The following PPA2 variants were observed in gnomAD, a reference collection of about 807,000 sequenced individuals.
PPA2 encodes the protein inorganic pyrophosphatase 2.
Under a neutral mutation model 49.5 loss-of-function variants are expected in PPA2, and 48 were observed. The ratio of observed to expected loss-of-function variants is 0.97; its 90% CI spans 0.77 to 1.23. The LOEUF is 1.23. Ranked by LOEUF, PPA2 falls within the 50% of genes most tolerant of loss-of-function variation. The pLI, the probability that PPA2 is intolerant of heterozygous loss-of-function variation, is 0.00. For missense variants in PPA2, 429 were observed against 410.1 expected, an observed-to-expected ratio of 1.05 and a Z score of -0.40; for synonymous variants, 131 against 139.9, an observed-to-expected ratio of 0.94 and a Z score of 0.45.
chr4:105,422,825 T>A (rs938848898), intron 7 of PPA2, among the ~76,000 whole-genome samples: 2 of 152,204 alleles, frequency 1.3e-5, no homozygotes, highest in African/African-American at 4.8e-5. Flanking sequence ...AGTACTGAAC[T>A]ACTACTCTCT....
Position 105,408,362 on chromosome 4 carries a change from G to T in PPA2, c.656-9198C>A, listed in dbSNP as rs543565499. Among the ~76,000 whole-genome samples the T allele has an allele frequency of 2.0e-5, 3 of 152,038 alleles. No homozygotes were observed. In the East Asian group the frequency reaches 5.8e-4, roughly 29 times the overall value. On this transcript the variant is annotated intron_variant, in intron 7 of 11. Coordinates refer to ENST00000341695, the MANE Select transcript of PPA2 (RefSeq NM_176869.3). ...AAAAAAAAGCATTTACTAAGTTAGA[G>T]AATCTGGATTTTTCTGTAAGCTCTG...
chr4:105,402,275 C>T (rs1722235863), intron 7 of PPA2, among the ~76,000 whole-genome samples: 1 of 151,656 alleles, frequency 6.6e-6, no homozygotes, highest in African/African-American at 2.4e-5. Context: ...AAAATTAGGC[C>T]TGGGTAAGAA....
At chr4:105,449,532 T>C (rs1227595709) in intron 3 of PPA2, 129 bp from the exon 4 acceptor site, 4 of 545,618 alleles carry the variant, frequency 7.3e-6, no homozygotes, top group Non-Finnish European at 1.3e-5. Context: ...CCATCATACA[T>C]CTACCTATGC....
At chr4:105,426,352 C>G (rs372142107) in intron 6 of PPA2, among the ~76,000 whole-genome samples, 26 of 152,240 alleles carry the variant, frequency 1.7e-4, no homozygotes, top group African/African-American at 5.5e-4. Flanking sequence ...GTGCAGCCCT[C>G]GGAGAGCAAG....
chr4:105,402,994 CTCTTTTTCTTTCT>C (rs1189132300), intron 7 of PPA2, among the ~76,000 whole-genome samples: 1 of 151,212 alleles, frequency 6.6e-6, no homozygotes, highest in Admixed American at 6.6e-5. Context: ...TTTTTCTTTC[CTCTTTTTCTTTCT>C]TTCTTTCTCT....
At chr4:105,373,533 A>C (rs1319706666) in intron 10 of PPA2, among the ~76,000 whole-genome samples, 1 of 152,164 alleles carries the variant, frequency 6.6e-6, no homozygotes, top group Admixed American at 6.6e-5. Flanking sequence ...TGGAGTGCCA[A>C]ACATTTCAGA....
intron 5 of PPA2, among the ~76,000 whole-genome samples, chr4:105,443,363 A>C (rs1724451943): frequency 6.7e-6 from 1 of 150,098 alleles, no homozygotes; most frequent in African/African-American, 2.5e-5. Flanking sequence ...GGAGAGTTGG[A>C]GATGAGATTA....
intron 10 of PPA2, among the ~76,000 whole-genome samples, chr4:105,378,852 A>G (rs1422804132): frequency 6.6e-6 from 1 of 152,104 alleles, no homozygotes; most frequent in Non-Finnish European, 1.5e-5. Context: ...CTGTGTCTAG[A>G]TTTGGTTACA....
intron 5 of PPA2, among the ~76,000 whole-genome samples, chr4:105,439,508 C>T (rs1724235085): frequency 6.6e-6 from 1 of 152,024 alleles, no homozygotes; most frequent in African/African-American, 2.4e-5. Context: ...TTCATTCATA[C>T]AGTAAAACAT....
intron 1 of PPA2, among the ~76,000 whole-genome samples, chr4:105,466,460 G>A (rs545965656): frequency 6.6e-6 from 1 of 152,148 alleles, no homozygotes; most frequent in Non-Finnish European, 1.5e-5. Flanking sequence ...AACAAATTAG[G>A]GAAAGTGAAG....
intron 1 of PPA2, among the ~76,000 whole-genome samples, chr4:105,466,194 G>A (rs1723293748): frequency 6.6e-6 from 1 of 151,790 alleles, no homozygotes; most frequent in Non-Finnish European, 1.5e-5. Context: ...TTTTTTTATA[G>A]CAGATGTAAT....
chr4:105,390,954 G>T (rs562825061), intron 9 of PPA2, among the ~76,000 whole-genome samples: 2 of 152,046 alleles, frequency 1.3e-5, no homozygotes, highest in Non-Finnish European at 2.9e-5. Context: ...ATCAGTGATG[G>T]ACTGGATAAA....
At chr4:105,431,261 G>A (rs1443685697) in intron 6 of PPA2, among the ~76,000 whole-genome samples, 2 of 151,884 alleles carry the variant, frequency 1.3e-5, no homozygotes, top group Non-Finnish European at 2.9e-5. Context: ...ACTCAACAAA[G>A]CTAGAAAAAA....
At chr4:105,454,367 G>A (rs1429023622) in intron 2 of PPA2, among the ~76,000 whole-genome samples, 1 of 151,932 alleles carries the variant, frequency 6.6e-6, no homozygotes, top group African/African-American at 2.4e-5. Flanking sequence ...TCGCTCTGTC[G>A]CCCAGGCTGG....
rs749878270 is a variant in PPA2 at position 105,399,057 on chromosome 4, T to G, written c.763A>C (p.Asn255His). ...TTCACCTTGTTTTTGAATTCTCCAT[T>G]AAAAGCAAACTGGTTTTCTGGTTTT... is the stretch of plus-strand genomic sequence containing the variant. ...DGKPENQFAFNGEFKNKAFAL... is the reference protein window; with the variant it reads ...DGKPENQFAFHGEFKNKAFAL... Residue 255 changes from asparagine to histidine, a missense_variant, in exon 8 of 12, where the codon AAT becomes CAT. Coordinates refer to ENST00000341695, the MANE Select transcript of PPA2 (RefSeq NM_176869.3). The G allele has an allele frequency of 1.2e-6, 2 of 1,610,054 alleles. No homozygotes were observed. Among genetic ancestry groups the G allele is most frequent in the East Asian group, 2.2e-5 (1 of 44,830 alleles).
chr4:105,426,031 G>A (rs1435375716), intron 6 of PPA2, among the ~76,000 whole-genome samples: 1 of 152,062 alleles, frequency 6.6e-6, no homozygotes, highest in African/African-American at 2.4e-5. Context: ...AGGGGAAAGG[G>A]GGAACTTTCT....
intron 10 of PPA2, among the ~76,000 whole-genome samples, chr4:105,382,690 T>A (rs960086098): frequency 3.3e-5 from 5 of 151,870 alleles, no homozygotes; most frequent in African/African-American, 1.2e-4. Context: ...GTTAAAAAAA[T>A]AAAAAAACTT....
At chr4:105,372,152 G>A (rs1376429523) in intron 10 of PPA2, among the ~76,000 whole-genome samples, 1 of 152,168 alleles carries the variant, frequency 6.6e-6, no homozygotes, top group African/African-American at 2.4e-5. Flanking sequence ...AGGATTCCAG[G>A]GTCCTGGGTA....
At chr4:105,400,483 A>G (rs927741774) in intron 7 of PPA2, among the ~76,000 whole-genome samples, 5 of 152,114 alleles carry the variant, frequency 3.3e-5, no homozygotes, top group Non-Finnish European at 7.4e-5. Flanking sequence ...TACAAAAAAA[A>G]TTAGCTGGAC....
Sources: gnomAD v4.1 joint callset for allele counts (sites outside exome capture counted in the v4.1 genomes callset) on GRCh38, gnomAD v4.1.1 for gene constraint, MANE v1.5 for transcripts, NCBI Gene and HGNC (gene_info 2026-07-23, HGNC 2026-07-21) for gene names.